Variants in GPATCH8 observed in about 807,000 individuals in gnomAD.
GPATCH8 encodes the protein G patch domain-containing protein 8.
A neutral mutation model predicts 118.3 loss-of-function variants in GPATCH8; 18 were observed. The ratio of observed to expected loss-of-function variants is 0.15; its 90% confidence interval spans 0.11 to 0.23. The LOEUF is 0.23. Among genes scored for constraint, GPATCH8 ranks in the 10% least tolerant of loss-of-function variants. The probability of loss-of-function intolerance (pLI) is 1.00; values close to 1 mark genes in which losing one functional copy is unlikely to be tolerated. For missense variants in GPATCH8, 1,631 were observed against 1,873.8 expected (o/e 0.87, Z 2.39); for synonymous variants, 659 against 684.7 (o/e 0.96, Z 0.59).
intron 3 of GPATCH8, among the ~76,000 whole-genome samples, chr17:44,458,600 C>T (rs1390425729): frequency 6.6e-6 from 1 of 152,172 alleles, no homozygotes; most frequent in East Asian, 1.9e-4. Flanking sequence ...CAGCTCACTG[C>T]AACTTCGAAC....
intron 1 of GPATCH8, among the ~76,000 whole-genome samples, chr17:44,477,405 A>G (rs1295531665): frequency 6.6e-6 from 1 of 152,074 alleles, no homozygotes; most frequent in Non-Finnish European, 1.5e-5. Context: ...ACTGAACTGT[A>G]TCCTTTTTTT....
chr17:44,493,861 T>C (rs1969469110), intron 1 of GPATCH8, among the ~76,000 whole-genome samples: 1 of 152,230 alleles, frequency 6.6e-6, no homozygotes. Flanking sequence ...TTTACTTCAC[T>C]GAATTATTAG....
intron 1 of GPATCH8, among the ~76,000 whole-genome samples, chr17:44,498,729 A>G (rs1386398875): frequency 1.3e-5 from 2 of 152,234 alleles, no homozygotes; most frequent in African/African-American, 4.8e-5. Context: ...ACTGACATTA[A>G]TTTTCACAGC....
intron 3 of GPATCH8, among the ~76,000 whole-genome samples, chr17:44,445,586 A>G (rs995919336): frequency 6.6e-5 from 10 of 151,704 alleles, no homozygotes; most frequent in Non-Finnish European, 1.3e-4. Context: ...GCTCACTGCA[A>G]CCTTCACTTC....
intron 1 of GPATCH8, among the ~76,000 whole-genome samples, chr17:44,480,310 G>C (rs543604966): frequency 6.6e-6 from 1 of 152,118 alleles, no homozygotes; most frequent in South Asian, 2.1e-4. Flanking sequence ...GGCAGGGCGC[G>C]GTGGCTCATG....
chr17:44,445,252 T>C (rs577604173), intron 3 of GPATCH8, among the ~76,000 whole-genome samples: 26 of 152,126 alleles, frequency 1.7e-4, no homozygotes, highest in Non-Finnish European at 2.9e-4. Flanking sequence ...AAAAACTGAA[T>C]TGGAAAGTTG....
chr17:44,420,057 C>A (rs1333354250), intron 6 of GPATCH8, among the ~76,000 whole-genome samples: 1 of 148,272 alleles, frequency 6.7e-6, no homozygotes, highest in African/African-American at 2.5e-5. Flanking sequence ...TTTTTTAATG[C>A]GTAAGATGAG....
rs535626988 is a variant in GPATCH8 at position 44,408,861 on chromosome 17, G to C, written c.493-2810C>G. ...CTCCCTCTGGGCAAACCTATCCTAA[G>C]AATACCCTATAAGGCTTAGGAAGGC... On this transcript the variant is annotated intron_variant, in intron 6 of 7. Transcript: ENST00000591680. Among the ~76,000 whole-genome samples, 7 of 152,244 alleles carry C rather than the reference G, an allele frequency of 4.6e-5. No individual in the cohort carries two copies. In the South Asian group the frequency reaches 1.2e-3, roughly 27 times the overall value.
chr17:44,456,777 A>G (rs1039538853), intron 3 of GPATCH8, among the ~76,000 whole-genome samples: 3 of 152,186 alleles, frequency 2.0e-5, no homozygotes, highest in African/African-American at 7.2e-5. Context: ...AACCAAAGAA[A>G]TACCCCCAAC....
chr17:44,467,253 C>T (rs564822322), intron 2 of GPATCH8: 83 of 328,514 alleles, frequency 2.5e-4, no homozygotes, highest in South Asian at 1.8e-3. Context: ...AGTAAATTCA[C>T]GAGTCAAGAC....
intron 2 of GPATCH8, chr17:44,473,708 G>C (rs1967496996): frequency 6.6e-6 from 1 of 152,204 alleles, no homozygotes; most frequent in Non-Finnish European, 1.5e-5. Context: ...AAAAAAGGCA[G>C]ACCGTGCAAT....
In GPATCH8 at chr17:44,464,395, C is replaced by A. The variant is rs1007995365; in HGVS notation, c.193+77G>T. 7.7e-6 allele frequency: 7 copies of A among 914,190 alleles called. No individual in the cohort carries two copies. In the African/African-American group the frequency reaches 1.1e-4, roughly 15 times the overall value. 56.6% of individuals were successfully genotyped at this position (914,190 alleles called of 1,614,324 possible). A position where few individuals can be genotyped will look rare whatever the true frequency, so the allele number is the denominator to read the frequency against. On this transcript the variant is annotated intron_variant, in intron 3 of 7. Coordinates refer to ENST00000591680, the MANE Select transcript of GPATCH8 (RefSeq NM_001002909.4). ...AAACCCAAGTACTTTTTTAAAAACA[C>A]AACAAATACATTCAGGTACAAGATC...
intron 5 of GPATCH8, among the ~76,000 whole-genome samples, chr17:44,432,745 A>G (rs2050365112): frequency 6.6e-6 from 1 of 152,280 alleles, no homozygotes; most frequent in East Asian, 1.9e-4. Flanking sequence ...TAAAGGAGTG[A>G]CAGCAGGAAG....
intron 5 of GPATCH8, among the ~76,000 whole-genome samples, chr17:44,427,332 C>G (rs569164115): frequency 8.6e-5 from 13 of 151,680 alleles, no homozygotes; most frequent in African/African-American, 3.1e-4. Context: ...ATATAAAATA[C>G]ATATATATAT....
chr17:44,408,943 T>A (rs1030824377), intron 6 of GPATCH8: 3 of 152,238 alleles, frequency 2.0e-5, no homozygotes, highest in Non-Finnish European at 4.4e-5. Flanking sequence ...AAAGCAGAAT[T>A]GAGAACCCCA....
At chr17:44,423,564 A>G (rs1322852810) in intron 6 of GPATCH8, among the ~76,000 whole-genome samples, 3 of 152,196 alleles carry the variant, frequency 2.0e-5, no homozygotes, top group African/African-American at 7.2e-5. Flanking sequence ...AAATACAACT[A>G]TTGTACCCCC....
At chr17:44,458,396 G>A (rs1349574272) in intron 3 of GPATCH8, among the ~76,000 whole-genome samples, 2 of 152,080 alleles carry the variant, frequency 1.3e-5, no homozygotes, top group Non-Finnish European at 2.9e-5. Flanking sequence ...AATCTTACCA[G>A]GCTAACTTTG....
rs76053715 is a variant in GPATCH8 at position 44,496,393 on chromosome 17, G to A, written c.45+6933C>T. 8.5e-3 allele frequency among the ~76,000 whole-genome samples: 1,289 copies of A among 152,208 alleles called. 9 individuals carry two copies. Among genetic ancestry groups the A allele is most frequent in the Non-Finnish European group, 0.013 (854 of 68,004 alleles). On this transcript the variant is annotated intron_variant, in intron 1 of 7. Coordinates refer to ENST00000591680, the MANE Select transcript of GPATCH8 (RefSeq NM_001002909.4). Reference sequence around the variant, plus strand: ...TTTTTTCTATTACAACTTTAAACCTGTAAAGCTATTTTGTGTCTCAATTCT... The same window carrying A: ...TTTTTTCTATTACAACTTTAAACCTATAAAGCTATTTTGTGTCTCAATTCT...
chr17:44,434,425 C>T (rs943524347), intron 5 of GPATCH8, among the ~76,000 whole-genome samples: 2 of 152,112 alleles, frequency 1.3e-5, no homozygotes, highest in African/African-American at 4.8e-5. Flanking sequence ...GAAAGGGGGT[C>T]AAGCGCGGTG....
Sources: allele counts gnomAD v4.1 joint callset (sites outside exome capture counted in the v4.1 genomes callset), GRCh38; gene constraint gnomAD v4.1.1; transcripts MANE v1.5; gene names NCBI Gene and HGNC (gene_info 2026-07-23, HGNC 2026-07-21).